NIPBL: variants seen among roughly 807,000 people sequenced by gnomAD.
NIPBL encodes NIPBL cohesin loading factor, also known as nipped-B-like protein.
In NIPBL, 19 loss-of-function variants were observed where a neutral mutation model predicts 321.8. That is an observed-to-expected ratio of 0.06 (90% CI 0.04 to 0.09). The LOEUF (loss-of-function observed/expected upper bound fraction) is 0.09. Ranked by LOEUF, NIPBL falls within the 10% of genes least tolerant of loss-of-function variation. The pLI, the probability that NIPBL is intolerant of heterozygous loss-of-function variation, is 1.00. For synonymous variants in NIPBL, 1,106 were observed against 1,114.1 expected (o/e 0.99, Z 0.14); for missense variants, 2,210 against 3,327.0 (o/e 0.66, Z 8.26).
chr5:36,973,216 A>G (rs147761635), intron 8 of NIPBL, among the ~76,000 whole-genome samples: 1 of 152,114 alleles, frequency 6.6e-6, no homozygotes, highest in African/African-American at 2.4e-5. Flanking sequence ...GAGAATTTCT[A>G]ATTATAGCCA....
At position 37,020,535 on chromosome 5, in the gene NIPBL, A is replaced by G. The variant is rs757224529; in HGVS notation, c.5087A>G (p.Lys1696Arg). The stretch of plus-strand genomic sequence containing the variant: ...ACAGAAAAAGCAATGAAATCACAAA[A>G]AGATGAAGAATCATCTGAAGGAACA... ...LETEKAMKSQKDEESSEGTHH... is the reference protein window; with the variant it reads ...LETEKAMKSQRDEESSEGTHH... The change falls in exon 26 of 47, where the codon AAA (lysine) becomes AGA (arginine). Residue 1696 changes from lysine to arginine, a missense_variant. Lys to Arg is a conservative substitution (Grantham distance 26). Coordinates refer to ENST00000282516, the MANE Select transcript of NIPBL (RefSeq NM_133433.4). 6.2e-7 allele frequency: 1 copy of G among 1,613,858 alleles called. No homozygotes were observed. Among genetic ancestry groups the G allele is most frequent in the Non-Finnish European group, 8.5e-7 (1 of 1,179,740 alleles).
At chr5:36,925,154 A>C (rs1749253784) in intron 1 of NIPBL, among the ~76,000 whole-genome samples, 1 of 152,172 alleles carries the variant, frequency 6.6e-6, no homozygotes, top group South Asian at 2.1e-4. Context: ...CAAATAAGTG[A>C]TGCTATCTAT....
intron 1 of NIPBL, among the ~76,000 whole-genome samples, chr5:36,945,254 A>T (rs372356646): frequency 2.6e-5 from 4 of 152,144 alleles, no homozygotes; most frequent in Non-Finnish European, 5.9e-5. Context: ...GTTTGGTACA[A>T]TTAAACTTTG....
intron 1 of NIPBL, among the ~76,000 whole-genome samples, chr5:36,952,018 C>CTGTGTGTGTGTGTGTGTGTG (rs60067315): frequency 9.9e-4 from 101 of 101,910 alleles, no homozygotes; most frequent in Middle Eastern, 6.2e-3. Flanking sequence ...CTCTGTTAAA[C>CTGTGTGTGTGTGTGTGTGTG]TGTGTGTGTG....
intron 16 of NIPBL, among the ~76,000 whole-genome samples, chr5:37,005,003 G>A (rs184182): frequency 0.57 from 85,981 of 152,092 alleles, 26,342 homozygotes; most frequent in African/African-American, 0.82. Context: ...CCACTGGCCC[G>A]TGTGGCCCAG....
At chr5:36,926,518 T>A (rs1749373667) in intron 1 of NIPBL, among the ~76,000 whole-genome samples, 1 of 152,230 alleles carries the variant, frequency 6.6e-6, no homozygotes, top group Admixed American at 6.5e-5. Context: ...TTCATGGTCA[T>A]GTGATATTTA....
chr5:37,019,080 G>A (rs1372916125), intron 24 of NIPBL, among the ~76,000 whole-genome samples: 1 of 152,136 alleles, frequency 6.6e-6, no homozygotes, highest in Admixed American at 6.5e-5. Flanking sequence ...TCCAGCCTGG[G>A]CGACAGAGTG....
chr5:36,994,138 A>G (rs1298126404), intron 10 of NIPBL, among the ~76,000 whole-genome samples: 2 of 152,184 alleles, frequency 1.3e-5, no homozygotes, highest in Admixed American at 1.3e-4. Flanking sequence ...GCCCTCACTG[A>G]TAAAACTTAA....
intron 42 of NIPBL, 27 bp downstream of exon 42, chr5:37,052,593 GAA>G: frequency 6.4e-7 from 1 of 1,560,588 alleles, no homozygotes; most frequent in Non-Finnish European, 8.8e-7. Flanking sequence ...ATTATTTTAA[GAA>G]AATAAGTGCT....
At chr5:36,900,627 T>C (rs548079905) in intron 1 of NIPBL, among the ~76,000 whole-genome samples, 4 of 152,314 alleles carry the variant, frequency 2.6e-5, no homozygotes, top group African/African-American at 9.6e-5. Flanking sequence ...TCTTTAATTC[T>C]AGTACCAAGC....
chr5:36,957,451 G>A (rs1027175343), intron 3 of NIPBL, among the ~76,000 whole-genome samples: 2 of 152,094 alleles, frequency 1.3e-5, no homozygotes, highest in East Asian at 1.9e-4. Context: ...TCAACTTTTT[G>A]TGTAACTTTC....
chr5:37,043,468 A>T (rs1183995031), intron 34 of NIPBL, among the ~76,000 whole-genome samples: 3 of 151,980 alleles, frequency 2.0e-5, no homozygotes, highest in African/African-American at 7.2e-5. Flanking sequence ...CAGAGGTTGC[A>T]GTGAGCCAAG....
intron 32 of NIPBL, among the ~76,000 whole-genome samples, chr5:37,031,541 T>C (rs1466843010): frequency 6.6e-6 from 1 of 152,200 alleles, no homozygotes; most frequent in East Asian, 1.9e-4. Flanking sequence ...GATTTTACAG[T>C]GCCATTCATT....
intron 25 of NIPBL, among the ~76,000 whole-genome samples, chr5:37,019,760 A>G (rs1749416908): frequency 6.6e-6 from 1 of 152,226 alleles, no homozygotes; most frequent in East Asian, 1.9e-4. Context: ...GGATTTTTAT[A>G]TGTATATTTT....
At chr5:37,012,901 A>G (rs1246312863) in intron 21 of NIPBL, among the ~76,000 whole-genome samples, 3 of 152,280 alleles carry the variant, frequency 2.0e-5, no homozygotes, top group Admixed American at 6.5e-5. Context: ...CGATTTCTCA[A>G]TCTTTTCCCC....
intron 24 of NIPBL, among the ~76,000 whole-genome samples, chr5:37,019,086 G>A (rs180866828): frequency 8.0e-4 from 122 of 152,248 alleles, no homozygotes; most frequent in Middle Eastern, 3.4e-3. Flanking sequence ...CTGGGCGACA[G>A]AGTGAAACTC....
At chr5:37,001,614 T>TA (rs1580439788) in intron 14 of NIPBL, among the ~76,000 whole-genome samples, 1 of 152,158 alleles carries the variant, frequency 6.6e-6, no homozygotes, top group East Asian at 1.9e-4. Context: ...ATTGAATACT[T>TA]ACTGTATGCC....
rs558115755 is a variant in NIPBL at position 36,972,180 on chromosome 5, C to T, written c.868+139C>T. On this transcript the variant is annotated intron_variant, in intron 8 of 46. Coordinates refer to ENST00000282516, the MANE Select transcript of NIPBL (RefSeq NM_133433.4). ...AGAAAAAAAAATAAACCTGTACAAG[C>T]AGGTCTGGATCATGGGATTTAAATC... 2.5e-5 allele frequency: 16 copies of T among 643,988 alleles called. No individual in the cohort carries two copies. In the East Asian group the frequency reaches 3.3e-4, roughly 13 times the overall value. 39.9% of individuals were successfully genotyped at this position (643,988 alleles called of 1,614,324 possible). A position where few individuals can be genotyped will look rare whatever the true frequency, so the allele number is the denominator to read the frequency against.
chr5:37,014,647 C>G, intron 21 of NIPBL, 36 bp from the exon 22 acceptor site: 1 of 1,247,490 alleles, frequency 8.0e-7, no homozygotes, highest in Non-Finnish European at 1.2e-6. Context: ...CTTATTATTT[C>G]TTGTATCTTT....
Sources: allele counts gnomAD v4.1 joint callset (sites outside exome capture counted in the v4.1 genomes callset), GRCh38; gene constraint gnomAD v4.1.1; transcripts MANE v1.5; gene names NCBI Gene and HGNC (gene_info 2026-07-23, HGNC 2026-07-21).